Variants in PACRG observed in about 807,000 individuals in gnomAD.
The protein encoded by PACRG is parkin coregulated, also known as parkin coregulated gene protein.
In PACRG, 29 loss-of-function variants were observed where a neutral mutation model predicts 29.7. That is an observed-to-expected ratio of 0.98 (90% CI 0.73 to 1.33). The LOEUF (loss-of-function observed/expected upper bound fraction) is 1.33. PACRG is among the 40% of genes most tolerant of loss of function. PACRG has a pLI of 0.00. For synonymous variants in PACRG, 116 were observed against 118.7 expected, an observed-to-expected ratio of 0.98 and a Z score of 0.15; for missense variants, 279 against 316.2, an observed-to-expected ratio of 0.88 and a Z score of 0.89.
At chr6:163,305,626 T>C (rs1306864897) in intron 4 of PACRG, among the ~76,000 whole-genome samples, 2 of 152,190 alleles carry the variant, frequency 1.3e-5, no homozygotes. Flanking sequence ...ACTTTGCCCA[T>C]ACTGACCATG....
intron 2 of PACRG, among the ~76,000 whole-genome samples, chr6:162,980,975 G>T (rs879740950): frequency 5.3e-4 from 81 of 151,902 alleles, no homozygotes; most frequent in Admixed American, 3.9e-3. Context: ...TGAGATTTGG[G>T]TGCACCCATC....
At chr6:163,026,299 G>A (rs1807125242) in intron 2 of PACRG, among the ~76,000 whole-genome samples, 1 of 152,156 alleles carries the variant, frequency 6.6e-6, no homozygotes, top group African/African-American at 2.4e-5. Flanking sequence ...CAAATGTCAA[G>A]GAAATCTTTC....
intron 1 of PACRG, among the ~76,000 whole-genome samples, chr6:162,790,208 A>G (rs1784825471): frequency 6.6e-6 from 1 of 152,216 alleles, no homozygotes. Context: ...GCATGAATGC[A>G]GCGTGGCTGG....
chr6:162,898,371 CT>C (rs1365893869), intron 2 of PACRG, among the ~76,000 whole-genome samples: 6 of 152,174 alleles, frequency 3.9e-5, no homozygotes, highest in Admixed American at 3.9e-4. Context: ...AGCCTTTACA[CT>C]GAAGTGAGAT....
At chr6:163,257,480 G>A (rs1055695467) in intron 4 of PACRG, among the ~76,000 whole-genome samples, 3 of 152,060 alleles carry the variant, frequency 2.0e-5, no homozygotes, top group Non-Finnish European at 4.4e-5. Flanking sequence ...TTCAGAAGGT[G>A]GATTCTGATC....
At chr6:163,163,110 T>C (rs1013135134) in intron 4 of PACRG, among the ~76,000 whole-genome samples, 3 of 152,228 alleles carry the variant, frequency 2.0e-5, no homozygotes, top group Non-Finnish European at 4.4e-5. Context: ...AATCAGGACC[T>C]GACCCACCTT....
At chr6:163,069,560 A>T (rs1258178869) in intron 3 of PACRG, among the ~76,000 whole-genome samples, 1 of 152,162 alleles carries the variant, frequency 6.6e-6, no homozygotes, top group African/African-American at 2.4e-5. Context: ...ATCATGCCGA[A>T]GGAAGAATTA....
chr6:163,177,048 C>G (rs1472176411), intron 4 of PACRG, among the ~76,000 whole-genome samples: 1 of 152,110 alleles, frequency 6.6e-6, no homozygotes. Flanking sequence ...GAGACTGTTG[C>G]TGTATCCGGG....
chr6:162,894,520 C>T (rs1795019992), intron 2 of PACRG, among the ~76,000 whole-genome samples: 3 of 152,110 alleles, frequency 2.0e-5, no homozygotes, highest in Admixed American at 6.5e-5. Context: ...AAAAGGCAGT[C>T]AGGTTTTGAA....
rs541195074 is a variant in PACRG at position 163,124,777 on chromosome 6, G to A, written c.613+35369G>A. On this transcript the variant is annotated intron_variant, in intron 4 of 4. Coordinates refer to ENST00000366888, the MANE Select transcript of PACRG (RefSeq NM_001080379.2). ...CTTCGAGAGGCCGTACAGCTGGAGG[G>A]TGCACTTTGCATTGCCCCATGTAGG... Among the ~76,000 whole-genome samples the A allele has an allele frequency of 3.9e-5, 6 of 152,286 alleles. No individual in the cohort carries two copies. The South Asian group carries it at 1.2e-3, about 32-fold the overall frequency.
chr6:163,179,725 A>AAT (rs1491360256), intron 4 of PACRG, among the ~76,000 whole-genome samples: 4 of 67,356 alleles, frequency 5.9e-5, no homozygotes, highest in African/African-American at 1.4e-4. Flanking sequence ...AAAAAAAAAA[A>AAT]TTTTCTTACA....
chr6:162,800,029 A>T lies in PACRG; in HGVS notation c.157-14118A>T, dbSNP rs530629130. ...GCCTTAGAGTTAGGTGTGACAGTGT[A>T]TTAGCTAAGCTGTCTCAGTCATTCA... On this transcript the variant is annotated intron_variant, in intron 1 of 4. Coordinates refer to ENST00000366888, the MANE Select transcript of PACRG (RefSeq NM_001080379.2). Among the ~76,000 whole-genome samples, 9 of 152,296 alleles carry T rather than the reference A, an allele frequency of 5.9e-5. No individual in the cohort carries two copies. In the East Asian group the frequency reaches 1.7e-3, roughly 29 times the overall value.
chr6:163,178,805 C>G (rs771273541), intron 4 of PACRG, among the ~76,000 whole-genome samples: 1 of 152,148 alleles, frequency 6.6e-6, no homozygotes, highest in Non-Finnish European at 1.5e-5. Context: ...AAAGCAAGAA[C>G]TAGGTACAGT....
intron 2 of PACRG, among the ~76,000 whole-genome samples, chr6:162,834,620 T>A (rs1789062434): frequency 6.6e-6 from 1 of 151,756 alleles, no homozygotes; most frequent in Non-Finnish European, 1.5e-5. Context: ...ATTTGATAAT[T>A]GCAAAGGGTA....
chr6:163,223,792 C>T (rs1781679292), intron 4 of PACRG, among the ~76,000 whole-genome samples: 1 of 152,268 alleles, frequency 6.6e-6, no homozygotes, highest in African/African-American at 2.4e-5. Flanking sequence ...GGTCCACAAA[C>T]AGGCAGAATG....
chr6:162,795,364 T>C (rs1433799408), intron 1 of PACRG, among the ~76,000 whole-genome samples: 2 of 152,190 alleles, frequency 1.3e-5, no homozygotes, highest in African/African-American at 4.8e-5. Flanking sequence ...TTGAAAGACA[T>C]TGATCCAATT....
intron 1 of PACRG, among the ~76,000 whole-genome samples, chr6:162,762,907 T>C (rs1782490218): frequency 6.6e-6 from 1 of 152,212 alleles, no homozygotes; most frequent in African/African-American, 2.4e-5. Flanking sequence ...ATATGTGCAC[T>C]ATGTTGTTTC....
At chr6:163,087,058 C>A (rs114029065) in intron 3 of PACRG, among the ~76,000 whole-genome samples, 7 of 151,962 alleles carry the variant, frequency 4.6e-5, no homozygotes, top group African/African-American at 7.2e-5. Flanking sequence ...GGTAACCCCG[C>A]GGTACCTTGA....
At chr6:163,005,416 CT>C (rs1366798427) in intron 2 of PACRG, among the ~76,000 whole-genome samples, 1 of 151,838 alleles carries the variant, frequency 6.6e-6, no homozygotes, top group Non-Finnish European at 1.5e-5. Flanking sequence ...GACCTTTCTT[CT>C]TCTTTTCTAA....
Sources: allele counts gnomAD v4.1 joint callset (sites outside exome capture counted in the v4.1 genomes callset), GRCh38; gene constraint gnomAD v4.1.1; transcripts MANE v1.5; gene names NCBI Gene and HGNC (gene_info 2026-07-23, HGNC 2026-07-21).